SAMMSON: variants seen among roughly 807,000 people sequenced by gnomAD.
SAMMSON encodes survival associated mitochondrial melanoma specific oncogenic non-coding RNA.
intron 3 of SAMMSON, among the ~76,000 whole-genome samples, chr3:70,071,182 T>TACAATC (rs2067228088): frequency 6.6e-6 from 1 of 151,980 alleles, no homozygotes; most frequent in African/African-American, 2.4e-5. Flanking sequence ...CACAAAGAGG[T>TACAATC]ACAATCACAG....
intron 3 of SAMMSON, among the ~76,000 whole-genome samples, chr3:70,056,435 C>T (rs761034412): frequency 2.0e-5 from 3 of 152,092 alleles, no homozygotes; most frequent in South Asian, 2.1e-4. Flanking sequence ...GTTCATCAAC[C>T]GTTCGGCTAC....
At chr3:70,035,668 T>G (rs1290257760) in intron 3 of SAMMSON, among the ~76,000 whole-genome samples, 1 of 152,200 alleles carries the variant, frequency 6.6e-6, no homozygotes, top group African/African-American at 2.4e-5. Flanking sequence ...TTATCTATTC[T>G]GCTGATTCTG....
At chr3:70,139,876 T>A (rs1009135872) in intron 4 of SAMMSON, among the ~76,000 whole-genome samples, 16 of 152,182 alleles carry the variant, frequency 1.1e-4, no homozygotes, top group African/African-American at 3.6e-4. Flanking sequence ...TCCTGATGAA[T>A]AGCACCTGGC....
At chr3:70,259,097 T>C (rs1040483125) in intron 6 of SAMMSON, among the ~76,000 whole-genome samples, 2 of 152,206 alleles carry the variant, frequency 1.3e-5, no homozygotes, top group Non-Finnish European at 2.9e-5. Flanking sequence ...CGGTACCTCC[T>C]GCTAGCACTC....
intron 4 of SAMMSON, among the ~76,000 whole-genome samples, chr3:70,207,563 C>T (rs894999912): frequency 3.9e-5 from 6 of 151,962 alleles, no homozygotes; most frequent in Non-Finnish European, 7.4e-5. Context: ...GTTGGCCCTC[C>T]GTATCTGTGG....
intron 1 of SAMMSON, among the ~76,000 whole-genome samples, chr3:70,008,290 C>T (rs559368360): frequency 6.6e-6 from 1 of 152,096 alleles, no homozygotes; most frequent in Non-Finnish European, 1.5e-5. Context: ...ATGGAATGTT[C>T]GTCCATTTGT....
At chr3:70,008,304 T>TA (rs1395059860) in intron 1 of SAMMSON, among the ~76,000 whole-genome samples, 2 of 152,202 alleles carry the variant, frequency 1.3e-5, no homozygotes, top group Admixed American at 1.3e-4. Flanking sequence ...CATTTGTTTG[T>TA]ATCCTCTTTT....
chr3:70,358,018 G>A (rs1263022578), intron 8 of SAMMSON, among the ~76,000 whole-genome samples: 1 of 151,990 alleles, frequency 6.6e-6, no homozygotes, highest in East Asian at 1.9e-4. Flanking sequence ...GTGTATCTGT[G>A]GTGTACTTGA....
intron 3 of SAMMSON, among the ~76,000 whole-genome samples, chr3:70,037,581 T>C (rs2067091090): frequency 6.6e-6 from 1 of 152,184 alleles, no homozygotes; most frequent in African/African-American, 2.4e-5. Flanking sequence ...TGGCTTCACC[T>C]TGGGCTTCCC....
intron 4 of SAMMSON, among the ~76,000 whole-genome samples, chr3:70,167,433 CT>C (rs1206161140): frequency 6.6e-6 from 1 of 151,948 alleles, no homozygotes; most frequent in African/African-American, 2.4e-5. Flanking sequence ...AAAGATCATG[CT>C]TCAGATGCAG....
intron 3 of SAMMSON, among the ~76,000 whole-genome samples, chr3:70,018,156 A>G (rs2066994917): frequency 6.6e-6 from 1 of 152,150 alleles, no homozygotes; most frequent in Non-Finnish European, 1.5e-5. Flanking sequence ...TTCAGAAGGA[A>G]TGGTACCAGC....
intron 4 of SAMMSON, among the ~76,000 whole-genome samples, chr3:70,136,039 C>T (rs1269465411): frequency 6.6e-6 from 1 of 151,468 alleles, no homozygotes; most frequent in Admixed American, 6.6e-5. Flanking sequence ...TGCAATACAT[C>T]TCCACACAAA....
intron 7 of SAMMSON, among the ~76,000 whole-genome samples, chr3:70,343,623 T>C (rs948337791): frequency 2.0e-5 from 3 of 152,134 alleles, no homozygotes; most frequent in African/African-American, 7.2e-5. Flanking sequence ...ACATTAGCCT[T>C]GATCACCTTG....
At chr3:70,163,951 A>G (rs1356393078) in intron 4 of SAMMSON, among the ~76,000 whole-genome samples, 1 of 152,046 alleles carries the variant, frequency 6.6e-6, no homozygotes, top group Non-Finnish European at 1.5e-5. Context: ...TAGTTTAGCC[A>G]TGTGCCCCAT....
intron 4 of SAMMSON, among the ~76,000 whole-genome samples, chr3:70,134,087 CAAAAAA>C (rs1157606808): frequency 1.7e-4 from 10 of 60,584 alleles, no homozygotes; most frequent in East Asian, 4.5e-4. Flanking sequence ...ACTGAAAATA[CAAAAAA>C]AAAAAAAAAA....
At chr3:70,216,855 G>A (rs994747365) in intron 4 of SAMMSON, among the ~76,000 whole-genome samples, 3 of 152,180 alleles carry the variant, frequency 2.0e-5, no homozygotes, top group Admixed American at 6.5e-5. Flanking sequence ...GGCTAGATGC[G>A]CTAGCATTTT....
chr3:70,285,530 G>A (rs1702152140), intron 6 of SAMMSON, among the ~76,000 whole-genome samples: 1 of 151,966 alleles, frequency 6.6e-6, no homozygotes, highest in Admixed American at 6.6e-5. Context: ...GTGTGCATGT[G>A]TCTTTATAGC....
At chr3:70,371,300 C>CT (rs2106745966) in intron 9 of SAMMSON, among the ~76,000 whole-genome samples, 1 of 152,056 alleles carries the variant, frequency 6.6e-6, no homozygotes, top group East Asian at 1.9e-4. Flanking sequence ...TATTCCGGCT[C>CT]TTTTTTGGTT....
At chr3:70,276,464 A>G (rs1472378739) in intron 6 of SAMMSON, among the ~76,000 whole-genome samples, 1 of 152,128 alleles carries the variant, frequency 6.6e-6, no homozygotes, top group Middle Eastern at 3.2e-3. Context: ...TTTTTTTAGG[A>G]TAATACTTAG....
Sources: allele counts gnomAD v4.1 joint callset (sites outside exome capture counted in the v4.1 genomes callset), GRCh38; gene constraint gnomAD v4.1.1; transcripts MANE v1.5; gene names NCBI Gene and HGNC (gene_info 2026-07-23, HGNC 2026-07-21).